The following SHROOM3 variants were observed in gnomAD, a reference collection of about 807,000 sequenced individuals.
The protein encoded by SHROOM3 is protein Shroom3.
Under a neutral mutation model 138.6 loss-of-function variants are expected in SHROOM3, and 47 were observed. That is an observed-to-expected ratio of 0.34 (90% CI 0.27 to 0.43). The LOEUF is 0.43. Among genes scored for constraint, SHROOM3 ranks in the 20% least tolerant of loss-of-function variants. The pLI is 1.00. For missense variants in SHROOM3, 2,491 were observed against 2,596.5 expected (o/e 0.96, Z 0.88); for synonymous variants, 1,062 against 1,063.3 (o/e 1.00, Z 0.02).
intron 1 of SHROOM3, among the ~76,000 whole-genome samples, chr4:76,552,973 CTTGT>C (rs1276164180): frequency 1.3e-5 from 2 of 152,126 alleles, no homozygotes; most frequent in African/African-American, 4.8e-5. Context: ...ACATTACTTA[CTTGT>C]TTATTATGTT....
intron 9 of SHROOM3, among the ~76,000 whole-genome samples, chr4:76,769,980 A>T (rs1383392093): frequency 6.6e-6 from 1 of 152,160 alleles, no homozygotes; most frequent in African/African-American, 2.4e-5. Context: ...ACTTACCCAT[A>T]GTATTGTCAT....
chr4:76,581,292 T>C (rs1734049043), intron 2 of SHROOM3, among the ~76,000 whole-genome samples: 1 of 152,112 alleles, frequency 6.6e-6, no homozygotes, highest in African/African-American at 2.4e-5. Context: ...TTAAAGAATG[T>C]GGAAAGAGAG....
At position 76,741,705 on chromosome 4, in the gene SHROOM3, C is replaced by T. The variant is rs557744834; in HGVS notation, c.3532C>T (p.Arg1178Cys). 14 of 1,552,818 alleles carry T rather than the reference C, an allele frequency of 9.0e-6. No individual in the cohort carries two copies. In the South Asian group the frequency reaches 1.4e-4, roughly 16 times the overall value. ...TCGCAGCAGCTCCTTCGCCGGTGGCCGCCGCCTCGGGGAACGGCGACGCGG... is the reference window on the plus strand; with the variant it reads ...TCGCAGCAGCTCCTTCGCCGGTGGCTGCCGCCTCGGGGAACGGCGACGCGG... ...RDRSSSFAGG[R>C]RLGERRRGDL... is the part of the protein sequence containing the mutation. Residue 1178 changes from arginine to cysteine, a missense_variant, in exon 5 of 11, where the codon CGC becomes TGC. Physicochemically the swap from Arg to Cys is radical, Grantham distance 180 (BLOSUM62 -3). Around this residue, in one of 4 missense-constraint regions of SHROOM3, gnomAD observed 1,733 missense variants for 1,661.6 expected, o/e 1.04. Transcript: ENST00000296043. The surrounding 1 kb of genome is among the most constrained non-coding windows in gnomAD (Gnocchi z 6.2).
At chr4:76,705,988 C>G (rs1301198903) in intron 2 of SHROOM3, among the ~76,000 whole-genome samples, 1 of 152,194 alleles carries the variant, frequency 6.6e-6, no homozygotes, top group East Asian at 1.9e-4. Flanking sequence ...ACCCTAAAAC[C>G]TAACTACCAA....
intron 10 of SHROOM3, among the ~76,000 whole-genome samples, chr4:76,774,622 G>GA (rs1320501767): frequency 6.6e-6 from 1 of 150,934 alleles, no homozygotes; most frequent in East Asian, 1.9e-4. Context: ...GGTAGGTGAT[G>GA]AAAAAATTCT....
chr4:76,500,049 G>T (rs1200202138), intron 1 of SHROOM3, among the ~76,000 whole-genome samples: 1 of 152,156 alleles, frequency 6.6e-6, no homozygotes, highest in Non-Finnish European at 1.5e-5. Context: ...TTGCCTAAAG[G>T]CCTCACAGCT....
chr4:76,601,847 T>C (rs1042950860), intron 2 of SHROOM3, among the ~76,000 whole-genome samples: 4 of 152,202 alleles, frequency 2.6e-5, no homozygotes, highest in African/African-American at 9.6e-5. Context: ...TGGACTATCT[T>C]CTTTATATAT....
intron 2 of SHROOM3, among the ~76,000 whole-genome samples, chr4:76,560,439 C>A (rs1235969412): frequency 4.6e-5 from 7 of 152,172 alleles, no homozygotes; most frequent in African/African-American, 1.7e-4. Flanking sequence ...GACTCAGACT[C>A]CTATCCTGAA....
At chr4:76,612,236 C>G (rs1282560188) in intron 2 of SHROOM3, among the ~76,000 whole-genome samples, 1 of 152,162 alleles carries the variant, frequency 6.6e-6, no homozygotes, top group Non-Finnish European at 1.5e-5. Flanking sequence ...ATGTATCCTG[C>G]TTCTCTCCTA....
chr4:76,714,970 G>A (rs1007965002), intron 3 of SHROOM3, among the ~76,000 whole-genome samples: 1 of 152,136 alleles, frequency 6.6e-6, no homozygotes, highest in Non-Finnish European at 1.5e-5. Flanking sequence ...ATGTGGAAAA[G>A]GATGAGGTAG....
chr4:76,707,139 GGGC>G (rs1720079519), intron 2 of SHROOM3, among the ~76,000 whole-genome samples: 1 of 152,164 alleles, frequency 6.6e-6, no homozygotes, highest in Non-Finnish European at 1.5e-5. Flanking sequence ...AAGTAAAAAT[GGGC>G]TTATTTGGTA....
intron 2 of SHROOM3, among the ~76,000 whole-genome samples, chr4:76,680,550 T>A (rs1193598841): frequency 6.6e-6 from 1 of 152,184 alleles, no homozygotes; most frequent in Non-Finnish European, 1.5e-5. Flanking sequence ...ACCCTATTTC[T>A]CCCACATAAT....
chr4:76,566,900 G>T lies in SHROOM3; in HGVS notation c.323+11137G>T, dbSNP rs372888088. Reference sequence around the variant, plus strand: ...GCAGCTCTGAAGAGCCTCATTAGTCGTTGGCAAAATTATGTCTCTAAGACT... The same window carrying T: ...GCAGCTCTGAAGAGCCTCATTAGTCTTTGGCAAAATTATGTCTCTAAGACT... On this transcript the variant is annotated intron_variant, in intron 2 of 10. Coordinates refer to ENST00000296043, the MANE Select transcript of SHROOM3 (RefSeq NM_020859.4). Among the ~76,000 whole-genome samples the T allele has an allele frequency of 2.0e-5, 3 of 152,342 alleles. No homozygotes were observed. The East Asian group carries it at 5.8e-4, about 29-fold the overall frequency.
intron 2 of SHROOM3, among the ~76,000 whole-genome samples, chr4:76,691,887 G>A (rs991319441): frequency 6.6e-6 from 1 of 152,210 alleles, no homozygotes; most frequent in Non-Finnish European, 1.5e-5. Context: ...TCTGTTCGAG[G>A]ATGTTTCCCT....
intron 2 of SHROOM3, among the ~76,000 whole-genome samples, chr4:76,623,232 G>A (rs1256913658): frequency 6.6e-6 from 1 of 152,002 alleles, no homozygotes; most frequent in Non-Finnish European, 1.5e-5. Flanking sequence ...ATCTCCTGCT[G>A]CACCAAGTCT....
chr4:76,437,837 A>C (rs1730591782), intron 1 of SHROOM3, among the ~76,000 whole-genome samples: 1 of 152,196 alleles, frequency 6.6e-6, no homozygotes, highest in Non-Finnish European at 1.5e-5. Context: ...TAAAAAGTCT[A>C]GTTGTACACA....
At chr4:76,609,969 CT>C (rs1316635865) in intron 2 of SHROOM3, among the ~76,000 whole-genome samples, 1 of 152,054 alleles carries the variant, frequency 6.6e-6, no homozygotes, top group African/African-American at 2.4e-5. Context: ...TTTTATTTAT[CT>C]TTTGGAGGAC....
chr4:76,754,593 C>T lies in SHROOM3; in HGVS notation c.4110C>T (p.Asp1370=), dbSNP rs146235627. ...TTCCCTCTGGCTACTGCTCACAGGA[C>T]GGTCAGACAGGGCGACAGCCTCTCC... ...SAIPSGYCSQ[D]GQTGRQPLPP... is the part of the protein sequence containing the mutation. The change falls in exon 7 of 11, where the codon GAC becomes GAT. Residue 1370 remains aspartate, a synonymous_variant. Coordinates refer to ENST00000296043, the MANE Select transcript of SHROOM3 (RefSeq NM_020859.4). 1.4e-5 allele frequency: 22 copies of T among 1,614,026 alleles called. No individual in the cohort carries two copies. The highest frequency in any genetic ancestry group is 2.7e-5 in the African/African-American group (2 of 74,912).
At chr4:76,534,803 A>G (rs1732915857) in intron 1 of SHROOM3, among the ~76,000 whole-genome samples, 1 of 152,124 alleles carries the variant, frequency 6.6e-6, no homozygotes, top group Non-Finnish European at 1.5e-5. Flanking sequence ...TAACCCCTGC[A>G]GGCTATACTC....
Sources: allele counts gnomAD v4.1 joint callset (sites outside exome capture counted in the v4.1 genomes callset), GRCh38; gene constraint gnomAD v4.1.1; regional missense constraint gnomAD v4.1.1; non-coding constraint Gnocchi (gnomAD v3.1); transcripts MANE v1.5; gene names NCBI Gene and HGNC (gene_info 2026-07-23, HGNC 2026-07-21).